KDM4C: variants seen among roughly 807,000 people sequenced by gnomAD.
The protein encoded by KDM4C is lysine-specific demethylase 4C.
In KDM4C, 81 loss-of-function variants were observed where a neutral mutation model predicts 129.3. The ratio of observed to expected loss-of-function variants is 0.63; its 90% confidence interval spans 0.52 to 0.75. The LOEUF is 0.75. Among genes scored for constraint, KDM4C ranks in the 30% least tolerant of loss-of-function variants. The probability of loss-of-function intolerance (pLI) is 0.00; values close to 1 mark genes in which losing one functional copy is unlikely to be tolerated. For missense variants in KDM4C, 1,457 were observed against 1,304.0 expected (o/e 1.12, Z -1.81); for synonymous variants, 573 against 456.1 (o/e 1.26, Z -3.26).
chr9:6,921,439 A>G (rs1178213786), intron 8 of KDM4C, among the ~76,000 whole-genome samples: 1 of 152,138 alleles, frequency 6.6e-6, no homozygotes, highest in Non-Finnish European at 1.5e-5. Context: ...GCTCAGGCCA[A>G]ACACTCTGGG....
At chr9:7,154,526 G>T (rs1842982745) in intron 19 of KDM4C, among the ~76,000 whole-genome samples, 1 of 152,194 alleles carries the variant, frequency 6.6e-6, no homozygotes, top group Non-Finnish European at 1.5e-5. Flanking sequence ...CCCTTTAGAA[G>T]GGTCTCGTAA....
Position 6,896,942 on chromosome 9 carries a change from A to G in KDM4C, c.921+3710A>G, listed in dbSNP as rs546662297. On this transcript the variant is annotated intron_variant, in intron 8 of 21. Transcript: ENST00000381309. ...TTTCATCGGAATCTGTTACTGACCT[A>G]TTGATATGTGATAGTTGTTCAATAA... 7.2e-5 allele frequency among the ~76,000 whole-genome samples: 11 copies of G among 152,262 alleles called. No homozygotes were observed. In the East Asian group the frequency reaches 1.2e-3, roughly 16 times the overall value.
chr9:6,835,061 C>G (rs1311455212), intron 4 of KDM4C: 8 of 958,392 alleles, frequency 8.3e-6, no homozygotes, highest in Non-Finnish European at 1.4e-5. Context: ...ACCACCACGG[C>G]TGAGTGGGAT....
At chr9:6,740,358 C>T (rs1282979909) in intron 1 of KDM4C, among the ~76,000 whole-genome samples, 2 of 151,998 alleles carry the variant, frequency 1.3e-5, no homozygotes, top group Admixed American at 6.6e-5. Flanking sequence ...CGCCCGTCAC[C>T]CCACCTGGCT....
intron 17 of KDM4C, among the ~76,000 whole-genome samples, chr9:7,078,530 G>A (rs1476180081): frequency 6.6e-6 from 1 of 151,920 alleles, no homozygotes; most frequent in African/African-American, 2.4e-5. Context: ...CAACATGGAA[G>A]GTTCTCTTCT....
chr9:7,151,135 A>T (rs1194955022), intron 19 of KDM4C, among the ~76,000 whole-genome samples: 1 of 151,902 alleles, frequency 6.6e-6, no homozygotes, highest in East Asian at 1.9e-4. Context: ...ACATAGTGAG[A>T]CCTTGTCTCT....
At chr9:7,033,237 G>A (rs965837088) in intron 15 of KDM4C, among the ~76,000 whole-genome samples, 2 of 151,552 alleles carry the variant, frequency 1.3e-5, no homozygotes, top group African/African-American at 4.8e-5. Flanking sequence ...TTTATACAAA[G>A]TAAAACTAGT....
intron 5 of KDM4C, among the ~76,000 whole-genome samples, chr9:6,877,168 T>G (rs1843689182): frequency 6.6e-6 from 1 of 152,144 alleles, no homozygotes; most frequent in Non-Finnish European, 1.5e-5. Context: ...GCCTCTGTAA[T>G]GGTATGGAAA....
intron 19 of KDM4C, among the ~76,000 whole-genome samples, chr9:7,152,020 G>A (rs935169885): frequency 2.6e-5 from 4 of 152,224 alleles, no homozygotes; most frequent in Admixed American, 1.3e-4. Context: ...GCATGAGATT[G>A]CCTGGAAAGG....
chr9:7,154,456 G>A (rs1039020923), intron 19 of KDM4C, among the ~76,000 whole-genome samples: 2 of 152,236 alleles, frequency 1.3e-5, no homozygotes, highest in Non-Finnish European at 2.9e-5. Context: ...CACGTAAGGA[G>A]TAGTGATGGG....
intron 8 of KDM4C, among the ~76,000 whole-genome samples, chr9:6,932,637 G>C (rs1013289027): frequency 6.6e-6 from 1 of 152,124 alleles, no homozygotes; most frequent in Non-Finnish European, 1.5e-5. Context: ...GTCTCCCCCT[G>C]GTGCACAGCC....
At chr9:6,757,799 C>T (rs967154201), upstream of KDM4C, 28 of 985,606 alleles carry the variant, frequency 2.8e-5, no homozygotes, top group Non-Finnish European at 3.3e-5. Flanking sequence ...ATGGGATATG[C>T]CTGTGTCCAA....
chr9:7,128,043 C>G (rs755656508), intron 18 of KDM4C, 23 bp from the exon 19 acceptor site: 1 of 1,440,004 alleles, frequency 6.9e-7, no homozygotes, highest in Non-Finnish European at 9.2e-7. Context: ...TCTTTTCTTC[C>G]TTTTTTGTGT....
chr9:6,925,998 C>A (rs989110742), intron 8 of KDM4C, among the ~76,000 whole-genome samples: 1 of 152,152 alleles, frequency 6.6e-6, no homozygotes, highest in East Asian at 1.9e-4. Context: ...TTCCTCTTCC[C>A]TGGATTACTA....
At chr9:6,994,128 T>C (rs1425095931) in intron 12 of KDM4C, among the ~76,000 whole-genome samples, 1 of 152,116 alleles carries the variant, frequency 6.6e-6, no homozygotes, top group Non-Finnish European at 1.5e-5. Flanking sequence ...ATCCCTTACA[T>C]GCATGGTTCA....
chr9:6,866,417 G>A (rs1224498357), intron 5 of KDM4C, among the ~76,000 whole-genome samples: 1 of 152,180 alleles, frequency 6.6e-6, no homozygotes, highest in African/African-American at 2.4e-5. Flanking sequence ...CAAAGGGTGT[G>A]AGAGGGCTAG....
At chr9:6,898,229 T>G (rs555212144) in intron 8 of KDM4C, among the ~76,000 whole-genome samples, 95 of 152,350 alleles carry the variant, frequency 6.2e-4, no homozygotes, top group Middle Eastern at 3.4e-3. Flanking sequence ...AGATATTTTG[T>G]GTTTGTGTTT....
At chr9:6,961,053 C>T (rs1218005762) in intron 8 of KDM4C, among the ~76,000 whole-genome samples, 1 of 152,168 alleles carries the variant, frequency 6.6e-6, no homozygotes, top group Admixed American at 6.5e-5. Context: ...CTTTCTTTTT[C>T]TTAGGCTGAC....
At chr9:6,839,491 C>T (rs373841451) in intron 4 of KDM4C, among the ~76,000 whole-genome samples, 5 of 151,372 alleles carry the variant, frequency 3.3e-5, no homozygotes, top group African/African-American at 7.3e-5. Flanking sequence ...CCTCCCGCCT[C>T]GGCCTCCCAA....
Sources: gnomAD v4.1 joint callset for allele counts (sites outside exome capture counted in the v4.1 genomes callset) on GRCh38, gnomAD v4.1.1 for gene constraint, MANE v1.5 for transcripts, NCBI Gene and HGNC (gene_info 2026-07-23, HGNC 2026-07-21) for gene names.